Variants in DNAH9 observed in about 807,000 individuals in gnomAD.
DNAH9 encodes the protein DNAH9 variant protein.
DNAH9 carries 345 observed loss-of-function variants against 471.6 expected under a neutral mutation model. The observed-to-expected ratio is 0.73, with a 90% CI of 0.67 to 0.80. The LOEUF (loss-of-function observed/expected upper bound fraction) is 0.80, where lower values mean the gene tolerates loss of function less well. Ranked by LOEUF, DNAH9 falls within the 30% of genes least tolerant of loss-of-function variation. The pLI, the probability that DNAH9 is intolerant of heterozygous loss-of-function variation, is 0.00. For synonymous variants in DNAH9, 2,093 were observed against 2,123.6 expected, an observed-to-expected ratio of 0.99 and a Z score of 0.40; for missense variants, 5,407 against 5,609.2, an observed-to-expected ratio of 0.96 and a Z score of 1.15.
intron 38 of DNAH9, among the ~76,000 whole-genome samples, chr17:11,778,218 C>T (rs759178194): frequency 1.1e-4 from 16 of 149,772 alleles, no homozygotes; most frequent in Non-Finnish European, 1.9e-4. Flanking sequence ...AACAACTACT[C>T]GGGAGGCTAA....
chr17:11,949,464 T>C (rs1975276678), intron 67 of DNAH9, among the ~76,000 whole-genome samples: 1 of 151,722 alleles, frequency 6.6e-6, no homozygotes, highest in African/African-American at 2.4e-5. Flanking sequence ...GTGTCTTTGC[T>C]GTAGTATAGC....
In DNAH9 at chr17:11,891,836, G is replaced by A; in HGVS notation, c.11172G>A (p.Arg3724=). ...VERAAPDESL[R]ERVANLIDSI... ...GGGCTGCTCCTGACGAAAGCCTCAGGGAGCGGGTGGCCAACCTAATAGACA... is the reference window on the plus strand; with the variant it reads ...GGGCTGCTCCTGACGAAAGCCTCAGAGAGCGGGTGGCCAACCTAATAGACA... Residue 3724 remains arginine (R), a synonymous_variant, in exon 58 of 69, where the codon AGG becomes AGA. Coordinates refer to ENST00000262442, the MANE Select transcript of DNAH9 (RefSeq NM_001372.4). 6.2e-7 allele frequency: 1 copy of A among 1,614,106 alleles called. No homozygotes were observed. Among genetic ancestry groups the A allele is most frequent in the Non-Finnish European group, 8.5e-7 (1 of 1,180,006 alleles).
At chr17:11,866,890 T>G (rs1187453743) in intron 50 of DNAH9, among the ~76,000 whole-genome samples, 1 of 152,218 alleles carries the variant, frequency 6.6e-6, no homozygotes, top group African/African-American at 2.4e-5. Flanking sequence ...AGTATTCGGG[T>G]GGGAGTGACC....
chr17:11,868,743 A>G (rs1177132152), intron 50 of DNAH9, among the ~76,000 whole-genome samples: 1 of 152,032 alleles, frequency 6.6e-6, no homozygotes. Flanking sequence ...TTGTCAGGCT[A>G]CTGGAACCCA....
Position 11,635,089 on chromosome 17 carries a change from G to A in DNAH9, c.1636-1545G>A, listed in dbSNP as rs945742875. 2.6e-5 allele frequency among the ~76,000 whole-genome samples: 4 copies of A among 152,060 alleles called. No homozygotes were observed. In the East Asian group the frequency reaches 7.7e-4, roughly 29 times the overall value. ...GGGTTCCACATTTTTTTCTACAAAA[G>A]GTCAGAGAATAAATATTTTAGACTA... On this transcript the variant is annotated intron_variant, in intron 8 of 68. Coordinates refer to ENST00000262442, the MANE Select transcript of DNAH9 (RefSeq NM_001372.4).
At chr17:11,600,074 GGATA>G (rs1030725826) in intron 1 of DNAH9, among the ~76,000 whole-genome samples, 16 of 152,038 alleles carry the variant, frequency 1.1e-4, no homozygotes, top group Non-Finnish European at 1.9e-4. Flanking sequence ...GGAAAGGGTT[GGATA>G]GATAGAGGAG....
chr17:11,832,207 C>A (rs1290965895), intron 48 of DNAH9, among the ~76,000 whole-genome samples: 1 of 152,178 alleles, frequency 6.6e-6, no homozygotes, highest in African/African-American at 2.4e-5. Context: ...CTAATTCTGA[C>A]TGATGGGACC....
At chr17:11,899,994 G>GC (rs1267976735) in intron 59 of DNAH9, among the ~76,000 whole-genome samples, 1 of 152,020 alleles carries the variant, frequency 6.6e-6, no homozygotes, top group African/African-American at 2.4e-5. Flanking sequence ...AGCCATAGGA[G>GC]CCCCCCAGGA....
Position 11,747,737 on chromosome 17 carries a change from T to C in DNAH9, c.6581T>C (p.Ile2194Thr). 2 of 1,614,076 alleles carry C rather than the reference T, an allele frequency of 1.2e-6. No individual in the cohort carries two copies. The highest frequency in any genetic ancestry group is 1.7e-6 in the Non-Finnish European group (2 of 1,179,990). ...AVTNDELFGI[I>T]NPATGEWKDG... is the part of the protein sequence containing the mutation. ...ACAAATGATGAGCTCTTTGGCATCA[T>C]CAATCCAGCCACAGGAGAATGGAAG... The change falls in exon 32 of 69, where the codon ATC (isoleucine) becomes ACC (threonine). Residue 2194 changes from isoleucine (I) to threonine (T), a missense_variant. Coordinates refer to ENST00000262442, the MANE Select transcript of DNAH9 (RefSeq NM_001372.4).
intron 38 of DNAH9, among the ~76,000 whole-genome samples, chr17:11,779,412 T>C (rs1968587821): frequency 6.6e-6 from 1 of 152,164 alleles, no homozygotes; most frequent in Admixed American, 6.5e-5. Context: ...GAGCACAGCA[T>C]GGCCAAGAAG....
chr17:11,787,526 A>G (rs1168396616), intron 41 of DNAH9, among the ~76,000 whole-genome samples: 2 of 152,218 alleles, frequency 1.3e-5, no homozygotes, highest in Non-Finnish European at 2.9e-5. Context: ...ACTAGGAGAC[A>G]GGCACTGCCC....
chr17:11,620,406 G>A (rs144386765), intron 6 of DNAH9, among the ~76,000 whole-genome samples: 2,418 of 151,930 alleles, frequency 0.016, 70 homozygotes, highest in African/African-American at 0.053. Context: ...CCAGCTACTC[G>A]GGAGGCCGAG....
Position 11,769,295 on chromosome 17 carries a change from A to T in DNAH9, c.7518A>T (p.Pro2506=), listed in dbSNP as rs1390904818. The change falls in exon 38 of 69, where the codon CCA becomes CCT. Residue 2506 remains proline, a synonymous_variant. Coordinates refer to ENST00000262442, the MANE Select transcript of DNAH9 (RefSeq NM_001372.4). ...AGGCATACCTGGTGAAAAACGTGCCATTCAACTACTACACCACGTCAGCAA... is the reference window on the plus strand; with the variant it reads ...AGGCATACCTGGTGAAAAACGTGCCTTTCAACTACTACACCACGTCAGCAA... The part of the protein sequence containing the change: ...DPEAYLVKNV[P]FNYYTTSAML... The T allele has an allele frequency of 3.1e-6, 5 of 1,613,786 alleles. No individual in the cohort carries two copies. Among genetic ancestry groups the T allele is most frequent in the Non-Finnish European group, 4.2e-6 (5 of 1,179,954 alleles).
At chr17:11,893,757 G>A (rs1195175900) in intron 58 of DNAH9, among the ~76,000 whole-genome samples, 3 of 152,122 alleles carry the variant, frequency 2.0e-5, no homozygotes, top group African/African-American at 7.2e-5. Context: ...AAATACCTAA[G>A]GCATGCAGGG....
At chr17:11,699,601 TC>T in intron 22 of DNAH9, 129 bp from the exon 23 acceptor site, 1 of 760,374 alleles carries the variant, frequency 1.3e-6, no homozygotes, top group Non-Finnish European at 2.2e-6. Flanking sequence ...CCCACAAACT[TC>T]CTTCTAAATG....
chr17:11,608,693 A>G (rs925151193), intron 2 of DNAH9, among the ~76,000 whole-genome samples: 2 of 152,180 alleles, frequency 1.3e-5, no homozygotes, highest in African/African-American at 4.8e-5. Context: ...GCCTCTTCCC[A>G]GTGTTTACTC....
chr17:11,762,593 T>C (rs1967725323), intron 35 of DNAH9, among the ~76,000 whole-genome samples: 1 of 152,070 alleles, frequency 6.6e-6, no homozygotes, highest in Non-Finnish European at 1.5e-5. Flanking sequence ...ATTCAGTTCA[T>C]CATGATTGTA....
At chr17:11,779,278 CAT>C (rs1039662279) in intron 38 of DNAH9, among the ~76,000 whole-genome samples, 6 of 152,260 alleles carry the variant, frequency 3.9e-5, no homozygotes, top group African/African-American at 1.4e-4. Flanking sequence ...CATTTCTTTA[CAT>C]GTCTCATTCG....
In DNAH9 at chr17:11,617,565, C is replaced by A; in HGVS notation, c.1059C>A (p.Arg353=). 1 of 1,614,176 alleles carries A rather than the reference C, an allele frequency of 6.2e-7. No individual in the cohort carries two copies. The highest frequency in any genetic ancestry group is 8.5e-7 in the Non-Finnish European group (1 of 1,180,034). ...TTTGGGCCACATGCAAGTCCTACCG[C>A]TCCCCGGGAAGGCTGACTGTGCTGC... ...CLIWATCKSY[R]SPGRLTVLLQ... The change falls in exon 5 of 69, where the codon CGC becomes CGA. Residue 353 remains arginine (R), a synonymous_variant. Coordinates refer to ENST00000262442, the MANE Select transcript of DNAH9 (RefSeq NM_001372.4).
Sources: allele counts gnomAD v4.1 joint callset (sites outside exome capture counted in the v4.1 genomes callset), GRCh38; gene constraint gnomAD v4.1.1; transcripts MANE v1.5; gene names NCBI Gene and HGNC (gene_info 2026-07-23, HGNC 2026-07-21).